HS6ST3: variants seen among roughly 807,000 people sequenced by gnomAD.
HS6ST3 encodes heparan sulfate 6-O-sulfotransferase 3.
In HS6ST3, 12 loss-of-function variants were observed where a neutral mutation model predicts 36.7. The ratio of observed to expected loss-of-function variants is 0.33; its 90% CI spans 0.21 to 0.53. The LOEUF is 0.53. HS6ST3 is among the 20% of genes least tolerant of loss of function. The pLI, the probability that HS6ST3 is intolerant of heterozygous loss-of-function variation, is 0.95. For missense variants in HS6ST3, 584 were observed against 640.9 expected (o/e 0.91, Z 0.96); for synonymous variants, 240 against 257.5 (o/e 0.93, Z 0.65).
In HS6ST3 at chr13:96,114,127, A is replaced by G. The variant is rs2053882968; in HGVS notation, c.707+22558A>G. 5.3e-5 allele frequency among the ~76,000 whole-genome samples: 8 copies of G among 151,606 alleles called. No homozygotes were observed. In the South Asian group the frequency reaches 1.5e-3, roughly 28 times the overall value. ...TGTGGGTAATTTTAATTTCTTTTCT[A>G]TTTTCTTTATTAATATAATAATTCT... On this transcript the variant is annotated intron_variant, in intron 1 of 1. Coordinates refer to ENST00000376705, the MANE Select transcript of HS6ST3 (RefSeq NM_153456.4).
intron 1 of HS6ST3, among the ~76,000 whole-genome samples, chr13:96,670,578 G>A (rs1271571484): frequency 1.3e-5 from 2 of 152,134 alleles, no homozygotes; most frequent in East Asian, 3.9e-4. Flanking sequence ...AACCACAAGA[G>A]TGGTATTGAT....
intron 1 of HS6ST3, among the ~76,000 whole-genome samples, chr13:96,293,905 A>G (rs903591637): frequency 3.9e-5 from 6 of 152,114 alleles, no homozygotes; most frequent in South Asian, 4.1e-4. Flanking sequence ...TTAGTTGTCC[A>G]TGCACTTTTC....
chr13:96,190,507 TATTCATTC>T (rs374761040), intron 1 of HS6ST3, among the ~76,000 whole-genome samples: 6 of 152,288 alleles, frequency 3.9e-5, no homozygotes, highest in East Asian at 1.9e-4. Context: ...TGCAATCAGT[TATTCATTC>T]ATTCATTCAT....
chr13:96,785,454 G>C (rs1440489109), intron 1 of HS6ST3, among the ~76,000 whole-genome samples: 1 of 152,174 alleles, frequency 6.6e-6, no homozygotes, highest in Non-Finnish European at 1.5e-5. Context: ...GGTTCAACCT[G>C]ATTCTACTGG....
intron 1 of HS6ST3, among the ~76,000 whole-genome samples, chr13:96,487,231 T>A (rs1044135919): frequency 6.6e-6 from 1 of 152,032 alleles, no homozygotes; most frequent in Non-Finnish European, 1.5e-5. Context: ...TGATTATAAA[T>A]GTGAAAAAAA....
At chr13:96,143,677 TTCTAGACACAC>T (rs1415470069) in intron 1 of HS6ST3, among the ~76,000 whole-genome samples, 22 of 152,210 alleles carry the variant, frequency 1.4e-4, no homozygotes, top group Non-Finnish European at 2.5e-4. Flanking sequence ...TTATTTCCCT[TTCTAGACACAC>T]TCTAAACAAA....
At chr13:96,735,566 C>G (rs142794332) in intron 1 of HS6ST3, among the ~76,000 whole-genome samples, 74 of 152,226 alleles carry the variant, frequency 4.9e-4, no homozygotes, top group African/African-American at 1.5e-3. Context: ...TCCTAAGGAA[C>G]AAACAATGAA....
chr13:96,143,840 G>A (rs1252931349), intron 1 of HS6ST3, among the ~76,000 whole-genome samples: 2 of 152,080 alleles, frequency 1.3e-5, no homozygotes, highest in Non-Finnish European at 2.9e-5. Flanking sequence ...TAATGGGGTT[G>A]GATGATAGAG....
intron 1 of HS6ST3, among the ~76,000 whole-genome samples, chr13:96,297,922 A>G (rs1158842704): frequency 1.3e-5 from 2 of 152,196 alleles, no homozygotes; most frequent in South Asian, 2.1e-4. Flanking sequence ...GCACCAAAAA[A>G]TGCATCTTGA....
chr13:96,275,855 C>CT (rs766378075), intron 1 of HS6ST3, among the ~76,000 whole-genome samples: 66,048 of 142,368 alleles, frequency 0.46, 15,340 homozygotes, highest in Middle Eastern at 0.51. Flanking sequence ...CTCTGTCTCT[C>CT]TTTTTTTTTT....
intron 1 of HS6ST3, among the ~76,000 whole-genome samples, chr13:96,777,886 A>G (rs1342061111): frequency 6.6e-6 from 1 of 152,194 alleles, no homozygotes; most frequent in Non-Finnish European, 1.5e-5. Flanking sequence ...AGCAAAAAGA[A>G]CAAAGCTGGA....
chr13:96,735,095 A>G (rs1012361241), intron 1 of HS6ST3, among the ~76,000 whole-genome samples: 1 of 152,218 alleles, frequency 6.6e-6, no homozygotes, highest in African/African-American at 2.4e-5. Context: ...AAGTAAAGTC[A>G]TCAGGCTTTC....
chr13:96,489,314 C>A (rs1021282118), intron 1 of HS6ST3, among the ~76,000 whole-genome samples: 1 of 151,234 alleles, frequency 6.6e-6, no homozygotes, highest in African/African-American at 2.4e-5. Flanking sequence ...GGCTCTGAAT[C>A]CATCAAGACA....
intron 1 of HS6ST3, among the ~76,000 whole-genome samples, chr13:96,156,901 TGCCTGGC>T (rs772969824): frequency 4.7e-4 from 72 of 152,164 alleles, no homozygotes; most frequent in Non-Finnish European, 8.4e-4. Context: ...GGAATAATGG[TGCCTGGC>T]CAGGAACCAT....
intron 1 of HS6ST3, among the ~76,000 whole-genome samples, chr13:96,300,957 A>G (rs2054879025): frequency 6.6e-6 from 1 of 152,220 alleles, no homozygotes; most frequent in Non-Finnish European, 1.5e-5. Flanking sequence ...GTTCTGGAAG[A>G]GAGAGGCATT....
intron 1 of HS6ST3, among the ~76,000 whole-genome samples, chr13:96,482,841 G>A (rs572748427): frequency 6.6e-6 from 1 of 152,284 alleles, no homozygotes; most frequent in African/African-American, 2.4e-5. Flanking sequence ...AGTTTTAAAG[G>A]TATGCCCATG....
rs924188316 is a variant in HS6ST3, at chr13:96,098,547, A to C, written c.707+6978A>C. Among the ~76,000 whole-genome samples, 3 of 152,206 alleles carry C rather than the reference A, an allele frequency of 2.0e-5. No individual in the cohort carries two copies. In the East Asian group the frequency reaches 5.8e-4, roughly 29 times the overall value. On this transcript the variant is annotated intron_variant, in intron 1 of 1. Coordinates refer to ENST00000376705, the MANE Select transcript of HS6ST3 (RefSeq NM_153456.4). ...TTAAAAGCATGGACCCTGGCCAGGC[A>C]TGGTGGCTCACACCTGTAATCCCAG...
chr13:96,381,782 G>T (rs2055342868), intron 1 of HS6ST3, among the ~76,000 whole-genome samples: 1 of 152,076 alleles, frequency 6.6e-6, no homozygotes, highest in Non-Finnish European at 1.5e-5. Context: ...TTGTTTGTTT[G>T]TTTTTACCAT....
chr13:96,425,341 A>G (rs531755182), intron 1 of HS6ST3, among the ~76,000 whole-genome samples: 2 of 151,854 alleles, frequency 1.3e-5, no homozygotes, highest in South Asian at 4.2e-4. Flanking sequence ...TTTTTTTTTG[A>G]ATTAAATGTC....
Sources: allele counts gnomAD v4.1 joint callset (sites outside exome capture counted in the v4.1 genomes callset), GRCh38; gene constraint gnomAD v4.1.1; transcripts MANE v1.5; gene names NCBI Gene and HGNC (gene_info 2026-07-23, HGNC 2026-07-21).